IGHMBP2: variants seen among roughly 807,000 people sequenced by gnomAD.
The protein encoded by IGHMBP2 is immunoglobulin mu DNA binding protein 2.
IGHMBP2 carries 81 observed loss-of-function variants against 96.0 expected under a neutral mutation model. That is an observed-to-expected ratio of 0.84 (90% CI 0.71 to 1.01). The LOEUF (loss-of-function observed/expected upper bound fraction) is 1.01. IGHMBP2 is among the 50% of genes least tolerant of loss of function. IGHMBP2 has a pLI of 0.00. For missense variants in IGHMBP2, 1,227 were observed against 1,306.3 expected, an observed-to-expected ratio of 0.94 and a Z score of 0.94; for synonymous variants, 557 against 548.9, an observed-to-expected ratio of 1.01 and a Z score of -0.21.
chr11:68,935,529 G>A, intron 12 of IGHMBP2, 107 bp downstream of exon 12: 2 of 1,350,612 alleles, frequency 1.5e-6, no homozygotes, highest in Non-Finnish European at 2.1e-6. Flanking sequence ...CTGGCAGTGT[G>A]CTCATGGTGC....
intron 7 of IGHMBP2, among the ~76,000 whole-genome samples, 164 bp from the exon 8 acceptor site, chr11:68,929,019 T>G (rs1177770737): frequency 6.6e-6 from 1 of 152,226 alleles, no homozygotes; most frequent in Non-Finnish European, 1.5e-5. Context: ...CCATGAGTTT[T>G]AAAATGTCTT....
At chr11:68,906,366 C>T in intron 2 of IGHMBP2, 128 bp downstream of exon 2, 1 of 1,035,286 alleles carries the variant, frequency 9.7e-7, no homozygotes. Context: ...AACTCTTAAT[C>T]AGAAGTCCAA....
At chr11:68,913,019 G>GCAATAAGA (rs1858497765) in intron 5 of IGHMBP2, among the ~76,000 whole-genome samples, 1 of 83,824 alleles carries the variant, frequency 1.2e-5, no homozygotes, top group Non-Finnish European at 2.3e-5. Flanking sequence ...TCCAGCCTGG[G>GCAATAAGA]CAATAAGAGC....
intron 7 of IGHMBP2, among the ~76,000 whole-genome samples, chr11:68,924,210 G>T (rs889094935): frequency 2.0e-5 from 3 of 152,180 alleles, no homozygotes; most frequent in Non-Finnish European, 4.4e-5. Context: ...TTGGGCAGAG[G>T]TGGAGGACGC....
intron 4 of IGHMBP2, among the ~76,000 whole-genome samples, chr11:68,911,145 TCTACAGCTGCCTG>T (rs1320435331): frequency 6.6e-6 from 1 of 152,054 alleles, no homozygotes; most frequent in Non-Finnish European, 1.5e-5. Flanking sequence ...ATACGTACCG[TCTACAGCTGCCTG>T]CTGTAGACGG....
intron 7 of IGHMBP2, among the ~76,000 whole-genome samples, chr11:68,927,379 C>T (rs948159996): frequency 6.6e-6 from 1 of 152,242 alleles, no homozygotes; most frequent in African/African-American, 2.4e-5. Flanking sequence ...ATGCCCCAGT[C>T]TTTGCTGAGT....
intron 8 of IGHMBP2, chr11:68,932,858 C>T (rs1566442458): frequency 5.2e-6 from 1 of 194,138 alleles, no homozygotes; most frequent in Non-Finnish European, 1.1e-5. Flanking sequence ...GGGGAAAACC[C>T]ATCTCCTGGT....
rs181467416 is a variant in IGHMBP2 at position 68,933,708 on chromosome 11, C to T, written c.1419-87C>T. On this transcript the variant is annotated intron_variant, in intron 9 of 14. Transcript: ENST00000255078. Reference sequence around the variant, plus strand: ...TTGTCCTCCCCTACCTAAGCCTTTTCCTCGTGGGAGGGGTCGGTTCTGTTG... The same window carrying T: ...TTGTCCTCCCCTACCTAAGCCTTTTTCTCGTGGGAGGGGTCGGTTCTGTTG... The T allele has an allele frequency of 3.5e-6, 4 of 1,156,364 alleles. No individual in the cohort carries two copies. The African/African-American group carries it at 6.1e-5, about 18-fold the overall frequency. 71.6% of individuals were successfully genotyped at this position (1,156,364 alleles called of 1,614,324 possible).
In IGHMBP2 at chr11:68,929,204, T is replaced by G; in HGVS notation, c.1082T>G (p.Leu361Arg). ...TNTGASADGPLKLLPESYFDV... is the reference protein window; with the variant it reads ...TNTGASADGPRKLLPESYFDV... Reference sequence around the variant, plus strand: ...CCAGGTGCGTCTGCCGATGGCCCCCTGAAGTTGCTGCCCGAGAGCTACTTC... The same window carrying G: ...CCAGGTGCGTCTGCCGATGGCCCCCGGAAGTTGCTGCCCGAGAGCTACTTC... Residue 361 changes from leucine (L) to arginine (R), a missense_variant, in exon 8 of 15, where the codon CTG (leucine) becomes CGG (arginine). This residue lies in a region of IGHMBP2 where 507 missense variants were observed against 496.9 expected (regional missense o/e 1.02). Transcript: ENST00000255078. The G allele has an allele frequency of 1.2e-6, 2 of 1,613,386 alleles. No individual in the cohort carries two copies. The highest frequency in any genetic ancestry group is 1.7e-6 in the Non-Finnish European group (2 of 1,180,012).
rs892709461 is a variant in IGHMBP2 at position 68,904,803 on chromosome 11, C to CTTTTCTTTTCTTTT, written c.86+769_86+770insCTTTTCTTTTTTTT. The stretch of plus-strand genomic sequence containing the variant: ...GTGTAAGTTTCTTTTTTTTCTTTTT[C>CTTTTCTTTTCTTTT]TTTTTTTTTTTTTTAGACAGAGTCT... On this transcript the variant is annotated intron_variant, in intron 1 of 14. Transcript: ENST00000255078. 1.1e-4 allele frequency among the ~76,000 whole-genome samples: 13 copies of CTTTTCTTTTCTTTT among 120,986 alleles called. 1 individual carries two copies. In the South Asian group the frequency reaches 1.9e-3, roughly 18 times the overall value. 79.4% of individuals were successfully genotyped at this position (120,986 alleles called of 152,430 possible). A position where few individuals can be genotyped will look rare whatever the true frequency, so the allele number is the denominator to read the frequency against.
intron 12 of IGHMBP2, 80 bp from the exon 13 acceptor site, chr11:68,936,157 G>T: frequency 6.5e-7 from 1 of 1,531,746 alleles, no homozygotes. Flanking sequence ...TTTTGGTGGT[G>T]GTTACTGATA....
chr11:68,914,050 A>G (rs1352961342), intron 5 of IGHMBP2, among the ~76,000 whole-genome samples: 6 of 152,176 alleles, frequency 3.9e-5, no homozygotes, highest in African/African-American at 1.2e-4. Context: ...TGTGTAAAAA[A>G]CAGGAACTAG....
At chr11:68,924,255 G>A (rs566231679) in intron 7 of IGHMBP2, among the ~76,000 whole-genome samples, 6 of 152,342 alleles carry the variant, frequency 3.9e-5, no homozygotes, top group South Asian at 2.1e-4. Context: ...GAGCACTCCC[G>A]TTACAGAGCT....
chr11:68,904,134 A>G (rs2154006378), intron 1 of IGHMBP2, 96 bp downstream of exon 1: 1 of 1,066,424 alleles, frequency 9.4e-7, no homozygotes, highest in East Asian at 2.6e-5. Context: ...TGGGGCGGGA[A>G]TTTCGTCTCC....
At position 68,929,407 on chromosome 11, in the gene IGHMBP2, G is replaced by T. The variant is rs1429681705; in HGVS notation, c.1235+50G>T. ...CCTTCTCTGCCCCCGCCCTCCTGCG[G>T]TCCTTCCACGCTCAGCCAGGAGCCC... On this transcript the variant is annotated intron_variant, in intron 8 of 14. Transcript: ENST00000255078. 2.6e-6 allele frequency: 4 copies of T among 1,549,978 alleles called. No individual in the cohort carries two copies. In the Admixed American group the frequency reaches 6.7e-5, roughly 26 times the overall value.
chr11:68,930,230 C>A, intron 8 of IGHMBP2: 2 of 1,257,288 alleles, frequency 1.6e-6, no homozygotes, highest in Non-Finnish European at 1.0e-6. Context: ...GAGACTCCTG[C>A]ATCCTGGCCC....
chr11:68,932,307 G>A (rs653264), intron 8 of IGHMBP2: 68,010 of 152,134 alleles, frequency 0.45, 16,442 homozygotes, highest in Admixed American at 0.61. Flanking sequence ...TTAAAAATAC[G>A]TTAATCACAG....
At chr11:68,933,968 T>A in intron 10 of IGHMBP2, 55 bp downstream of exon 10, 2 of 1,238,800 alleles carry the variant, frequency 1.6e-6, no homozygotes, top group Non-Finnish European at 2.3e-6. Flanking sequence ...TCCAGCTCTT[T>A]AAAAATAAAA....
rs189283894 is a variant in IGHMBP2, at chr11:68,914,251, C to T, written c.712-572C>T. 2.3e-3 allele frequency among the ~76,000 whole-genome samples: 346 copies of T among 151,760 alleles called. 1 individual carries two copies. Among genetic ancestry groups the T allele is most frequent in the Non-Finnish European group, 4.3e-3 (290 of 67,972 alleles). ...CTATTGAGCCGGTTTCTCCATGATC[C>T]TGCCACTGCGCTCCAGCCTGGGCCA... On this transcript the variant is annotated intron_variant, in intron 5 of 14. Coordinates refer to ENST00000255078, the MANE Select transcript of IGHMBP2 (RefSeq NM_002180.3).
Sources: allele counts gnomAD v4.1 joint callset (sites outside exome capture counted in the v4.1 genomes callset), GRCh38; gene constraint gnomAD v4.1.1; regional missense constraint gnomAD v4.1.1; transcripts MANE v1.5; gene names NCBI Gene and HGNC (gene_info 2026-07-23, HGNC 2026-07-21).